Variants in SH3RF3 observed in about 807,000 individuals in gnomAD.
SH3RF3 encodes SH3 domain containing ring finger 3.
A neutral mutation model predicts 66.3 loss-of-function variants in SH3RF3; 29 were observed. The ratio of observed to expected loss-of-function variants is 0.44; its 90% CI spans 0.33 to 0.60. SH3RF3 has a LOEUF of 0.60. SH3RF3 is among the 20% of genes least tolerant of loss of function. The probability of loss-of-function intolerance (pLI) is 0.04; values close to 1 mark genes in which losing one functional copy is unlikely to be tolerated. For missense variants in SH3RF3, 1,194 were observed against 1,190.9 expected, an observed-to-expected ratio of 1.00 and a Z score of -0.04; for synonymous variants, 583 against 532.0, an observed-to-expected ratio of 1.10 and a Z score of -1.32.
intron 1 of SH3RF3, among the ~76,000 whole-genome samples, chr2:109,201,075 T>C (rs1197564384): frequency 6.6e-6 from 1 of 152,194 alleles, no homozygotes; most frequent in Non-Finnish European, 1.5e-5. Flanking sequence ...GCAGCCGTGC[T>C]CAGGGACTCT....
At chr2:109,202,676 G>T (rs190228714) in intron 1 of SH3RF3, among the ~76,000 whole-genome samples, 1 of 152,218 alleles carries the variant, frequency 6.6e-6, no homozygotes, top group Admixed American at 6.5e-5. Context: ...CACAGCCTTG[G>T]GTGAGCACCT....
chr2:109,215,724 T>G (rs1397366408), intron 1 of SH3RF3, among the ~76,000 whole-genome samples: 1 of 152,204 alleles, frequency 6.6e-6, no homozygotes, highest in Non-Finnish European at 1.5e-5. Context: ...CCCTGTGAAC[T>G]GCCACTGCTA....
Position 109,283,653 on chromosome 2 carries a change from C to T in SH3RF3, c.574-64021C>T, listed in dbSNP as rs1042158176. On this transcript the variant is annotated intron_variant, in intron 1 of 9. Coordinates refer to ENST00000309415, the MANE Select transcript of SH3RF3 (RefSeq NM_001099289.3). ...CTGTACTGTACTGTGATTCAGTGCA[C>T]ATGGGGACCTGGAAGCAGGGGACAG... Among the ~76,000 whole-genome samples the T allele has an allele frequency of 3.3e-5, 5 of 152,324 alleles. No homozygotes were observed. In the East Asian group the frequency reaches 9.7e-4, roughly 29 times the overall value.
At chr2:109,263,427 T>C (rs1226182343) in intron 1 of SH3RF3, among the ~76,000 whole-genome samples, 1 of 152,226 alleles carries the variant, frequency 6.6e-6, no homozygotes, top group Non-Finnish European at 1.5e-5. Flanking sequence ...AAATTCTTGA[T>C]TGACAGCCTT....
intron 1 of SH3RF3, among the ~76,000 whole-genome samples, chr2:109,152,805 A>T (rs1345080877): frequency 6.6e-6 from 1 of 152,120 alleles, no homozygotes; most frequent in East Asian, 1.9e-4. Context: ...TGGGGTGCCT[A>T]TCACCGTCTC....
intron 2 of SH3RF3, among the ~76,000 whole-genome samples, chr2:109,360,673 C>G (rs1270831804): frequency 1.3e-5 from 2 of 152,210 alleles, no homozygotes; most frequent in African/African-American, 4.8e-5. Flanking sequence ...GCCTTGTATC[C>G]TGCAACCTTG....
chr2:109,433,324 A>G (rs1363503547), intron 6 of SH3RF3, among the ~76,000 whole-genome samples: 1 of 152,132 alleles, frequency 6.6e-6, no homozygotes, highest in Non-Finnish European at 1.5e-5. Flanking sequence ...GTGGTAATAT[A>G]TTTTTTTCTT....
At chr2:109,449,066 G>A (rs896358776) in intron 7 of SH3RF3, 104 bp from the exon 8 acceptor site, 43 of 1,345,910 alleles carry the variant, frequency 3.2e-5, no homozygotes, top group Middle Eastern at 2.0e-4. Context: ...GAGAGGCTGT[G>A]AGTGCTCGAG....
At chr2:109,249,461 C>T (rs1334151387) in intron 1 of SH3RF3, among the ~76,000 whole-genome samples, 1 of 137,538 alleles carries the variant, frequency 7.3e-6, no homozygotes, top group Non-Finnish European at 1.6e-5. Flanking sequence ...CTCTCTTTCT[C>T]TCTTTCTCTT....
At chr2:109,233,531 G>A (rs1457610652) in intron 1 of SH3RF3, among the ~76,000 whole-genome samples, 2 of 152,302 alleles carry the variant, frequency 1.3e-5, no homozygotes, top group African/African-American at 2.4e-5. Context: ...GGTGGTTTTG[G>A]AAAAAGCAAC....
At chr2:109,210,735 A>G (rs1678955438) in intron 1 of SH3RF3, among the ~76,000 whole-genome samples, 1 of 152,186 alleles carries the variant, frequency 6.6e-6, no homozygotes. Context: ...GGGTGTAGGC[A>G]GGGAGGAAAG....
chr2:109,245,388 A>G (rs1679890886), intron 1 of SH3RF3, among the ~76,000 whole-genome samples: 2 of 152,082 alleles, frequency 1.3e-5, no homozygotes, highest in Admixed American at 1.3e-4. Flanking sequence ...TGGTGCTTTC[A>G]TGTAATTTTT....
chr2:109,350,592 G>C (rs1682816724), intron 2 of SH3RF3, among the ~76,000 whole-genome samples: 1 of 152,174 alleles, frequency 6.6e-6, no homozygotes, highest in South Asian at 2.1e-4. Context: ...TCACTCCTCA[G>C]TGTCCGCAAA....
Position 109,129,341 on chromosome 2 carries a change from AC to A in SH3RF3, c.-199del. 2.4e-3 allele frequency: 4 copies of A among 1,650 alleles called. No homozygotes were observed. The South Asian group carries it at 0.043, about 18-fold the overall frequency. The allele number at this position is 1,650 out of a possible 1,614,324, so 0.1% of individuals were successfully genotyped here. ...CGGGCTCGGCTGGCCGGTCCCCGCCACGCAGGCCGGTCCCCGCCACGCAGGC... is the reference window on the plus strand; with the variant it reads ...CGGGCTCGGCTGGCCGGTCCCCGCCAGCAGGCCGGTCCCCGCCACGCAGGC... On this transcript the variant is annotated 5_prime_UTR_variant, in exon 1 of 10. Transcript: ENST00000309415.
intron 2 of SH3RF3, among the ~76,000 whole-genome samples, chr2:109,365,771 T>C (rs1231199764): frequency 6.6e-6 from 1 of 152,248 alleles, no homozygotes; most frequent in Admixed American, 6.5e-5. Context: ...ACAATTTGCA[T>C]GTATCTGTGG....
chr2:109,351,977 A>G (rs984251489), intron 2 of SH3RF3, among the ~76,000 whole-genome samples: 1 of 152,258 alleles, frequency 6.6e-6, no homozygotes, highest in Admixed American at 6.5e-5. Context: ...TCCTAGGGAC[A>G]GACATAGATG....
At position 109,489,681 on chromosome 2, in the gene SH3RF3, C is replaced by T. The variant is rs934555665; in HGVS notation, c.2149-924C>T. 9.7e-5 allele frequency among the ~76,000 whole-genome samples: 14 copies of T among 143,890 alleles called. No homozygotes were observed. In the Admixed American group the frequency reaches 9.9e-4, roughly 10 times the overall value. 94.4% of individuals were successfully genotyped at this position (143,890 alleles called of 152,430 possible). A position where few individuals can be genotyped will look rare whatever the true frequency, so the allele number is the denominator to read the frequency against. ...TGGGGGCCTCGGGGCCTATTTTGGA[C>T]ATTTCTGCTAGATTTTGGAAGAGAA... On this transcript the variant is annotated intron_variant, in intron 8 of 9. Coordinates refer to ENST00000309415, the MANE Select transcript of SH3RF3 (RefSeq NM_001099289.3).
rs117050389 is a variant in SH3RF3, at chr2:109,331,935, C to T, written c.574-15739C>T. 8.4e-3 allele frequency among the ~76,000 whole-genome samples: 1,278 copies of T among 152,336 alleles called. 15 individuals carry two copies. Among genetic ancestry groups the T allele is most frequent in the East Asian group, 0.045 (231 of 5,182 alleles). ...TGGAGGGGTTTGCCTGCACCCTCAGCACCTGGCCGATCCTCCGATGGGTCT... is the reference window on the plus strand; with the variant it reads ...TGGAGGGGTTTGCCTGCACCCTCAGTACCTGGCCGATCCTCCGATGGGTCT... On this transcript the variant is annotated intron_variant, in intron 1 of 9. Transcript: ENST00000309415.
Position 109,130,067 on chromosome 2 carries a change from G to T in SH3RF3, c.527G>T (p.Gly176Val). The T allele has an allele frequency of 7.3e-7, 1 of 1,368,556 alleles. No homozygotes were observed. Among genetic ancestry groups the T allele is most frequent in the Admixed American group, 3.4e-5 (1 of 29,790 alleles). 84.8% of individuals were successfully genotyped at this position (1,368,556 alleles called of 1,614,324 possible). Residue 176 changes from glycine to valine, a missense_variant, in exon 1 of 10, where the codon GGC becomes GTC. Transcript: ENST00000309415. Reference protein sequence around the residue: ...FLSAAAGSTAGSLRELATSRT... With the variant: ...FLSAAAGSTAVSLRELATSRT... The stretch of plus-strand genomic sequence containing the variant: ...TCCGCGGCCGCGGGCAGCACCGCCG[G>T]CAGTCTGCGGGAGCTGGCGACCAGC...
Sources: allele counts gnomAD v4.1 joint callset (sites outside exome capture counted in the v4.1 genomes callset), GRCh38; gene constraint gnomAD v4.1.1; transcripts MANE v1.5; gene names NCBI Gene and HGNC (gene_info 2026-07-23, HGNC 2026-07-21).